TTLL11: variants seen among roughly 807,000 people sequenced by gnomAD.
TTLL11 encodes the protein tubulin tyrosine ligase like 11.
Under a neutral mutation model 51.7 loss-of-function variants are expected in TTLL11, and 42 were observed. That is an observed-to-expected ratio of 0.81 (90% CI 0.64 to 1.05). TTLL11 has a LOEUF of 1.05. TTLL11 is among the 50% of genes least tolerant of loss of function. The pLI is 0.00. For missense variants in TTLL11, 799 were observed against 940.4 expected (o/e 0.85, Z 1.97); for synonymous variants, 381 against 383.5 (o/e 0.99, Z 0.08).
intron 6 of TTLL11, among the ~76,000 whole-genome samples, chr9:121,927,138 C>T (rs1208235567): frequency 2.6e-5 from 4 of 152,214 alleles, no homozygotes; most frequent in Non-Finnish European, 5.9e-5. Flanking sequence ...TGGAGGAACA[C>T]AAACATTTGG....
intron 6 of TTLL11, among the ~76,000 whole-genome samples, chr9:121,893,527 C>G (rs1839339187): frequency 6.6e-6 from 1 of 152,212 alleles, no homozygotes; most frequent in South Asian, 2.1e-4. Flanking sequence ...CCCAGTGTCC[C>G]ACAGCAGGTC....
rs113975471 is a variant in TTLL11 at position 122,081,672 on chromosome 9, T to A, written c.462+11015A>T. ...TGAAGGCAGAATTCTGTGTTTCTTCTGCCTTCTTGAGCTAACAAGTCAAAA... is the reference window on the plus strand; with the variant it reads ...TGAAGGCAGAATTCTGTGTTTCTTCAGCCTTCTTGAGCTAACAAGTCAAAA... On this transcript the variant is annotated intron_variant, in intron 1 of 8. Coordinates refer to ENST00000321582, the MANE Select transcript of TTLL11 (RefSeq NM_001139442.2). Among the ~76,000 whole-genome samples the A allele has an allele frequency of 3.7e-4, 57 of 152,382 alleles. 2 individuals carry two copies. The highest frequency in any genetic ancestry group is 3.4e-3 in the Middle Eastern group (1 of 294).
At chr9:121,954,165 T>TA (rs1318596525) in intron 6 of TTLL11, among the ~76,000 whole-genome samples, 5 of 152,236 alleles carry the variant, frequency 3.3e-5, no homozygotes, top group African/African-American at 1.2e-4. Context: ...TTCCTTTTCT[T>TA]ACAGTGCATC....
chr9:121,991,929 G>C (rs529582651), intron 3 of TTLL11, among the ~76,000 whole-genome samples: 2 of 152,304 alleles, frequency 1.3e-5, no homozygotes, highest in Non-Finnish European at 2.9e-5. Context: ...GTCAGGATGA[G>C]AACTGAGGTC....
chr9:121,870,880 G>T lies in TTLL11; in HGVS notation c.1482-132C>A. ...TACAGACAGCAAGACTGACCACAGA[G>T]AAGTGACCTGCCCAAGCTCACACAG... On this transcript the variant is annotated intron_variant, in intron 6 of 8. Coordinates refer to ENST00000321582, the MANE Select transcript of TTLL11 (RefSeq NM_001139442.2). 9.5e-6 allele frequency: 10 copies of T among 1,053,558 alleles called. No individual in the cohort carries two copies. In the South Asian group the frequency reaches 1.8e-4, roughly 19 times the overall value. 65.3% of individuals were successfully genotyped at this position (1,053,558 alleles called of 1,614,324 possible).
At chr9:122,058,205 A>G (rs1259314203) in intron 1 of TTLL11, among the ~76,000 whole-genome samples, 4 of 152,230 alleles carry the variant, frequency 2.6e-5, no homozygotes, top group Non-Finnish European at 4.4e-5. Context: ...CACCTTCATG[A>G]TTTCCATACT....
At chr9:121,945,640 A>G (rs369195389) in intron 6 of TTLL11, among the ~76,000 whole-genome samples, 2 of 151,834 alleles carry the variant, frequency 1.3e-5, no homozygotes, top group African/African-American at 4.8e-5. Context: ...TTCCTACACC[A>G]CCCCTTCCAT....
intron 6 of TTLL11, among the ~76,000 whole-genome samples, chr9:121,891,146 A>G (rs1419469105): frequency 6.6e-6 from 1 of 152,116 alleles, no homozygotes; most frequent in Admixed American, 6.6e-5. Context: ...ACCCATCTCT[A>G]GCTGTTCTAA....
chr9:121,895,741 C>CTGTG (rs1839469913), intron 6 of TTLL11, among the ~76,000 whole-genome samples: 2 of 102 alleles, frequency 0.02, 1 homozygote, highest in Non-Finnish European at 0.05. Context: ...CTGTGTGCGT[C>CTGTG]CGTGTGGTTG....
intron 6 of TTLL11, among the ~76,000 whole-genome samples, chr9:121,940,987 G>A (rs781618086): frequency 2.6e-5 from 4 of 152,180 alleles, no homozygotes; most frequent in Non-Finnish European, 5.9e-5. Context: ...ATATTTGGGA[G>A]CCAATTAATT....
chr9:121,924,147 C>T (rs10985452), intron 6 of TTLL11, among the ~76,000 whole-genome samples: 62,837 of 152,092 alleles, frequency 0.41, 14,454 homozygotes, highest in Non-Finnish European at 0.51. Context: ...ATCAGCAGCA[C>T]GAAAACGGAC....
At chr9:122,034,798 C>G (rs1211157883) in intron 2 of TTLL11, among the ~76,000 whole-genome samples, 1 of 152,180 alleles carries the variant, frequency 6.6e-6, no homozygotes, top group African/African-American at 2.4e-5. Context: ...ATGGCCAGCT[C>G]TGCTGACTTC....
rs145277285 is a variant in TTLL11, at chr9:121,929,033, C to T, written c.1481+44976G>A. Among the ~76,000 whole-genome samples, 46 of 152,296 alleles carry T rather than the reference C, an allele frequency of 3.0e-4. No homozygotes were observed. The East Asian group carries it at 6.4e-3, about 21-fold the overall frequency. ...ACAATCTTTAGCCTATCAGAGACAA[C>T]CTTTGTGATTTTACGTAGATCATGT... On this transcript the variant is annotated intron_variant, in intron 6 of 8. Transcript: ENST00000321582.
intron 6 of TTLL11, among the ~76,000 whole-genome samples, chr9:121,951,602 T>C (rs1841852777): frequency 6.6e-6 from 1 of 152,212 alleles, no homozygotes; most frequent in Non-Finnish European, 1.5e-5. Flanking sequence ...TGACTGATTA[T>C]TATCTCTATT....
intron 8 of TTLL11, among the ~76,000 whole-genome samples, chr9:121,835,692 C>T (rs1193551570): frequency 6.6e-6 from 1 of 152,198 alleles, no homozygotes; most frequent in African/African-American, 2.4e-5. Flanking sequence ...TTTCATTAAT[C>T]ACAGGTCATA....
chr9:121,973,666 C>T (rs1358324629), intron 6 of TTLL11, among the ~76,000 whole-genome samples: 1 of 152,082 alleles, frequency 6.6e-6, no homozygotes, highest in East Asian at 1.9e-4. Context: ...ATGGGTGCAG[C>T]ACACCAACAT....
At chr9:122,024,828 G>A (rs1205673840) in intron 3 of TTLL11, among the ~76,000 whole-genome samples, 1 of 152,002 alleles carries the variant, frequency 6.6e-6, no homozygotes, top group Non-Finnish European at 1.5e-5. Flanking sequence ...AGAACTTTTA[G>A]ACAAAAACAT....
chr9:122,083,904 G>A (rs1468457705), intron 1 of TTLL11, among the ~76,000 whole-genome samples: 1 of 152,196 alleles, frequency 6.6e-6, no homozygotes, highest in Non-Finnish European at 1.5e-5. Context: ...TGGAAAGGGA[G>A]GGGGATGGGG....
At chr9:121,924,721 C>G (rs548089923) in intron 6 of TTLL11, among the ~76,000 whole-genome samples, 11 of 150,804 alleles carry the variant, frequency 7.3e-5, no homozygotes, top group Non-Finnish European at 1.5e-4. Context: ...AAAACAGGCC[C>G]AGGCAATTTC....
Sources: gnomAD v4.1 joint callset for allele counts (sites outside exome capture counted in the v4.1 genomes callset) on GRCh38, gnomAD v4.1.1 for gene constraint, MANE v1.5 for transcripts, NCBI Gene and HGNC (gene_info 2026-07-23, HGNC 2026-07-21) for gene names.